Variants in ME1 observed in about 807,000 individuals in gnomAD.
The protein encoded by ME1 is malic enzyme 1, also known as NADP-dependent malic enzyme.
Under a neutral mutation model 66.4 loss-of-function variants are expected in ME1, and 74 were observed. That is an observed-to-expected ratio of 1.11 (90% CI 0.92 to 1.35). ME1 has a LOEUF of 1.35. ME1 is among the 40% of genes most tolerant of loss of function. The probability of loss-of-function intolerance (pLI) is 0.00; values close to 1 mark genes in which losing one functional copy is unlikely to be tolerated. For missense variants in ME1, 750 were observed against 694.1 expected (o/e 1.08, Z -0.90); for synonymous variants, 251 against 235.6 (o/e 1.07, Z -0.60).
At chr6:83,395,680 T>G (rs1480858817) in intron 3 of ME1, among the ~76,000 whole-genome samples, 1 of 151,648 alleles carries the variant, frequency 6.6e-6, no homozygotes, top group Non-Finnish European at 1.5e-5. Context: ...TTCACCATGT[T>G]GGTCAGGATG....
chr6:83,357,114 T>C (rs1405555206), intron 3 of ME1, among the ~76,000 whole-genome samples: 1 of 152,218 alleles, frequency 6.6e-6, no homozygotes, highest in African/African-American at 2.4e-5. Flanking sequence ...ATAATTAGAC[T>C]GAGATTATAC....
At chr6:83,373,434 C>T (rs1469835486) in intron 3 of ME1, among the ~76,000 whole-genome samples, 2 of 152,062 alleles carry the variant, frequency 1.3e-5, no homozygotes, top group Non-Finnish European at 2.9e-5. Flanking sequence ...GGGGTTTCAC[C>T]TGCTGGCCAG....
At chr6:83,313,504 T>C (rs907053853) in intron 6 of ME1, among the ~76,000 whole-genome samples, 2 of 152,212 alleles carry the variant, frequency 1.3e-5, no homozygotes, top group African/African-American at 4.8e-5. Flanking sequence ...TAAAAACTCC[T>C]TCTCCCCTTA....
intron 2 of ME1, among the ~76,000 whole-genome samples, chr6:83,399,369 C>T (rs4706991): frequency 0.32 from 48,056 of 152,030 alleles, 7,985 homozygotes; most frequent in Middle Eastern, 0.5. Flanking sequence ...ATTAAAATCA[C>T]TGCTGAAATA....
At chr6:83,220,635 T>C (rs1790075120) in intron 12 of ME1, among the ~76,000 whole-genome samples, 1 of 152,254 alleles carries the variant, frequency 6.6e-6, no homozygotes, top group Non-Finnish European at 1.5e-5. Context: ...TATATGTTAC[T>C]TTTGTTAACT....
chr6:83,235,972 G>A (rs1389519535), intron 9 of ME1, among the ~76,000 whole-genome samples: 2 of 151,900 alleles, frequency 1.3e-5, no homozygotes, highest in Non-Finnish European at 2.9e-5. Flanking sequence ...AAAGACATTA[G>A]AAATAAATGT....
At chr6:83,421,073 C>T (rs534891427) in intron 1 of ME1, among the ~76,000 whole-genome samples, 2 of 152,172 alleles carry the variant, frequency 1.3e-5, no homozygotes, top group African/African-American at 2.4e-5. Flanking sequence ...TTCTGAACGT[C>T]GAACTTGCTC....
chr6:83,409,668 C>T (rs999768399), intron 1 of ME1, among the ~76,000 whole-genome samples: 15 of 152,276 alleles, frequency 9.9e-5, no homozygotes, highest in South Asian at 2.1e-4. Context: ...CACTGAATGA[C>T]GCCATGATAG....
At chr6:83,232,994 A>T (rs1209663795) in intron 9 of ME1, among the ~76,000 whole-genome samples, 2 of 152,154 alleles carry the variant, frequency 1.3e-5, no homozygotes, top group African/African-American at 4.8e-5. Flanking sequence ...GATGAAATCG[A>T]TCCTTCGTAA....
At chr6:83,240,054 C>A (rs1461791997) in intron 7 of ME1, among the ~76,000 whole-genome samples, 1 of 151,974 alleles carries the variant, frequency 6.6e-6, no homozygotes, top group African/African-American at 2.4e-5. Context: ...CTATTAGATT[C>A]TTCCGTCTAA....
chr6:83,286,233 T>G (rs1044823733), intron 6 of ME1, among the ~76,000 whole-genome samples: 3 of 152,164 alleles, frequency 2.0e-5, no homozygotes, highest in Non-Finnish European at 4.4e-5. Context: ...AAAATTAAGA[T>G]AAATAATTGT....
Position 83,431,011 on chromosome 6 carries a change from A to C in ME1, c.-57T>G. The C allele has an allele frequency of 8.5e-7, 1 of 1,172,170 alleles. No individual in the cohort carries two copies. Among genetic ancestry groups the C allele is most frequent in the South Asian group, 1.8e-5 (1 of 56,436 alleles). 72.6% of individuals were successfully genotyped at this position (1,172,170 alleles called of 1,614,324 possible). On this transcript the variant is annotated 5_prime_UTR_variant, in exon 1 of 14. Coordinates refer to ENST00000369705, the MANE Select transcript of ME1 (RefSeq NM_002395.6). ...CCGGGGCGGGCCGCACGCGCGGTGC[A>C]GGCGGCGGATGCTGCTGGGGTGACG...
At chr6:83,355,828 AT>A (rs1315196618) in intron 3 of ME1, among the ~76,000 whole-genome samples, 14 of 152,232 alleles carry the variant, frequency 9.2e-5, no homozygotes, top group Admixed American at 2.0e-4. Context: ...ATTTATCAAT[AT>A]TTTTTAATGA....
At chr6:83,347,402 G>C (rs762325151) in intron 4 of ME1, among the ~76,000 whole-genome samples, 1 of 152,094 alleles carries the variant, frequency 6.6e-6, no homozygotes, top group African/African-American at 2.4e-5. Flanking sequence ...CCAATCTTAT[G>C]AAACACAATT....
At chr6:83,353,434 GTA>G (rs1768835979) in intron 3 of ME1, among the ~76,000 whole-genome samples, 1 of 152,032 alleles carries the variant, frequency 6.6e-6, no homozygotes, top group Admixed American at 6.6e-5. Context: ...TACTATTTGG[GTA>G]TCCAAGGATA....
At chr6:83,325,777 C>T (rs143884544) in intron 5 of ME1, among the ~76,000 whole-genome samples, 3 of 151,922 alleles carry the variant, frequency 2.0e-5, no homozygotes, top group African/African-American at 7.3e-5. Context: ...TATCATGAAA[C>T]TGACCATAGG....
intron 5 of ME1, among the ~76,000 whole-genome samples, chr6:83,328,396 T>C (rs1768342261): frequency 6.6e-6 from 1 of 152,178 alleles, no homozygotes; most frequent in African/African-American, 2.4e-5. Flanking sequence ...CAAACCACCA[T>C]GGCACATGTA....
chr6:83,353,177 T>C (rs577021186), intron 3 of ME1, among the ~76,000 whole-genome samples: 1 of 152,348 alleles, frequency 6.6e-6, no homozygotes, highest in South Asian at 2.1e-4. Flanking sequence ...GGAAAATTGG[T>C]AATTGAAAAT....
intron 6 of ME1, among the ~76,000 whole-genome samples, chr6:83,276,095 A>G (rs996941316): frequency 2.6e-5 from 4 of 152,080 alleles, no homozygotes; most frequent in Non-Finnish European, 5.9e-5. Flanking sequence ...TAATCTGCAC[A>G]ACATACAGAA....
Sources: allele counts gnomAD v4.1 joint callset (sites outside exome capture counted in the v4.1 genomes callset), GRCh38; gene constraint gnomAD v4.1.1; transcripts MANE v1.5; gene names NCBI Gene and HGNC (gene_info 2026-07-23, HGNC 2026-07-21).